Variants in TRDMT1 observed in about 807,000 individuals in gnomAD.
The protein encoded by TRDMT1 is tRNA (cytosine(38)-C(5))-methyltransferase.
Under a neutral mutation model 51.2 loss-of-function variants are expected in TRDMT1, and 49 were observed. That is an observed-to-expected ratio of 0.96 (90% CI 0.76 to 1.21). The LOEUF (loss-of-function observed/expected upper bound fraction) is 1.21. Among genes scored for constraint, TRDMT1 ranks in the 50% most tolerant of loss-of-function variants. TRDMT1 has a pLI of 0.00. For missense variants in TRDMT1, 534 were observed against 462.3 expected, an observed-to-expected ratio of 1.16 and a Z score of -1.42; for synonymous variants, 187 against 164.6, an observed-to-expected ratio of 1.14 and a Z score of -1.04.
intron 2 of TRDMT1, among the ~76,000 whole-genome samples, chr10:17,173,418 C>T (rs1842272759): frequency 6.6e-6 from 1 of 152,098 alleles, no homozygotes; most frequent in East Asian, 1.9e-4. Flanking sequence ...ACCATCAACA[C>T]TAAACAAAAG....
chr10:17,195,661 C>CATT (rs1160282262), intron 1 of TRDMT1, among the ~76,000 whole-genome samples: 2 of 151,912 alleles, frequency 1.3e-5, no homozygotes. Context: ...AGTAAGCACA[C>CATT]ATTATTCCTC....
intron 10 of TRDMT1, among the ~76,000 whole-genome samples, chr10:17,152,482 T>C (rs1169700954): frequency 1.3e-5 from 2 of 152,252 alleles, no homozygotes; most frequent in East Asian, 3.8e-4. Context: ...ATTTGAGGGA[T>C]AGTGCCATAT....
intron 1 of TRDMT1, among the ~76,000 whole-genome samples, chr10:17,182,867 T>C (rs1473439256): frequency 6.6e-6 from 1 of 152,192 alleles, no homozygotes; most frequent in Non-Finnish European, 1.5e-5. Context: ...AAATGATCGA[T>C]AAACATATAA....
At chr10:17,155,468 A>C (rs1839377569) in intron 8 of TRDMT1, among the ~76,000 whole-genome samples, 1 of 152,060 alleles carries the variant, frequency 6.6e-6, no homozygotes, top group Admixed American at 6.6e-5. Context: ...CTGAACCATC[A>C]TTTCCTCTCA....
At chr10:17,162,326 C>A in intron 3 of TRDMT1, 89 bp from the exon 4 acceptor site, 6 of 1,238,142 alleles carry the variant, frequency 4.8e-6, no homozygotes, top group Middle Eastern at 2.0e-4. Flanking sequence ...CTTTTTAAGT[C>A]AAAAGGAGAA....
rs1842207809 is a variant in TRDMT1 at position 17,172,930 on chromosome 10, A to G, written c.174+1621T>C. On this transcript the variant is annotated intron_variant, in intron 2 of 10. Transcript: ENST00000377799. ...ATTTGAAGGCGGGCTTCCACAAGTA[A>G]AAGATGCATCTTGTAAACCCTAGAG... 3.9e-5 allele frequency among the ~76,000 whole-genome samples: 6 copies of G among 152,166 alleles called. 1 individual carries two copies. The highest frequency in any genetic ancestry group is 3.9e-4 in the Admixed American group (6 of 15,272).
intron 1 of TRDMT1, among the ~76,000 whole-genome samples, chr10:17,188,833 C>T (rs921766039): frequency 2.6e-5 from 4 of 152,078 alleles, no homozygotes; most frequent in East Asian, 1.9e-4. Flanking sequence ...TTGTGATTTC[C>T]GCGAAGTAAT....
intron 10 of TRDMT1, 162 bp downstream of exon 10, chr10:17,153,345 A>G (rs1839031009): frequency 1.3e-6 from 1 of 768,560 alleles, no homozygotes; most frequent in Non-Finnish European, 2.0e-6. Flanking sequence ...TGAGGCAGTT[A>G]TGAGGGGAAA....
intron 5 of TRDMT1, among the ~76,000 whole-genome samples, chr10:17,161,217 CTG>C (rs1840307665): frequency 6.6e-6 from 1 of 152,158 alleles, no homozygotes; most frequent in Non-Finnish European, 1.5e-5. Flanking sequence ...ATGACTAAAA[CTG>C]AGAAATGCCA....
chr10:17,189,126 A>C (rs1844339681), intron 1 of TRDMT1, among the ~76,000 whole-genome samples: 1 of 152,192 alleles, frequency 6.6e-6, no homozygotes, highest in Admixed American at 6.5e-5. Context: ...CAGAAGACTA[A>C]ATTATAAGGC....
At chr10:17,191,369 C>T (rs1340986506) in intron 1 of TRDMT1, among the ~76,000 whole-genome samples, 3 of 152,178 alleles carry the variant, frequency 2.0e-5, no homozygotes, top group Non-Finnish European at 4.4e-5. Context: ...GAAGCAAGAT[C>T]AGTAAAGAGG....
chr10:17,143,085 C>G lies in TRDMT1; in HGVS notation c.*5955G>C, dbSNP rs1401282604. The G allele has an allele frequency of 1.8e-5, 18 of 985,286 alleles. No homozygotes were observed. Among genetic ancestry groups the G allele is most frequent in the Non-Finnish European group, 2.0e-5 (17 of 829,928 alleles). The allele number at this position is 985,286 out of a possible 1,614,324, so 61.0% of individuals were successfully genotyped here. On this transcript the variant is annotated 3_prime_UTR_variant, in exon 11 of 11. Transcript: ENST00000377799. ...GTGTTCCAGACTTGAGTAACTTTGG[C>G]TGTTCCTCTGGGCATGGAAGAAGTG...
rs1237266571 is a variant in TRDMT1, at chr10:17,145,448, T to G, written c.*3592A>C. On this transcript the variant is annotated 3_prime_UTR_variant, in exon 11 of 11. Transcript: ENST00000377799. ...CTAGTAGACAGAGGTCCAAAGGCCATGTCTTTAAAAATTATATAATCTCAA... is the reference window on the plus strand; with the variant it reads ...CTAGTAGACAGAGGTCCAAAGGCCAGGTCTTTAAAAATTATATAATCTCAA... The G allele has an allele frequency of 9.1e-6, 9 of 985,284 alleles. No homozygotes were observed. Among genetic ancestry groups the G allele is most frequent in the Non-Finnish European group, 1.1e-5 (9 of 829,950 alleles). 61.0% of individuals were successfully genotyped at this position (985,284 alleles called of 1,614,324 possible).
chr10:17,178,719 T>C (rs1470348961), intron 1 of TRDMT1, among the ~76,000 whole-genome samples: 2 of 151,462 alleles, frequency 1.3e-5, no homozygotes, highest in African/African-American at 2.4e-5. Flanking sequence ...TAAAAATTGC[T>C]GATAAATTAT....
Position 17,159,230 on chromosome 10 carries a change from C to A in TRDMT1, c.460-1G>T, listed in dbSNP as rs754780154. 1.3e-6 allele frequency: 2 copies of A among 1,597,580 alleles called. No individual in the cohort carries two copies. The highest frequency in any genetic ancestry group is 1.7e-6 in the Non-Finnish European group (2 of 1,171,874). On this transcript the variant is annotated splice_acceptor_variant, in intron 6 of 10. Coordinates refer to ENST00000377799, the MANE Select transcript of TRDMT1 (RefSeq NM_004412.7). LOFTEE classifies it high-confidence loss of function. ...GTAGCCTTGAATTTGGAATGCCAAG[C>A]TGTAAGCAAAGCAAAGCAGTTAGTT...
chr10:17,148,015 T>C lies in TRDMT1; in HGVS notation c.*1025A>G, dbSNP rs1292440476. ...TTTGAATTAAAATCTTGTAATATGATTTCTGGACTTGTTTCTTTTCATCTC... is the reference window on the plus strand; with the variant it reads ...TTTGAATTAAAATCTTGTAATATGACTTCTGGACTTGTTTCTTTTCATCTC... On this transcript the variant is annotated 3_prime_UTR_variant, in exon 11 of 11. Transcript: ENST00000377799. 1 of 985,006 alleles carries C rather than the reference T, an allele frequency of 1.0e-6. No individual in the cohort carries two copies. The highest frequency in any genetic ancestry group is 1.2e-6 in the Non-Finnish European group (1 of 829,624). 61.0% of individuals were successfully genotyped at this position (985,006 alleles called of 1,614,324 possible).
intron 1 of TRDMT1, among the ~76,000 whole-genome samples, chr10:17,194,882 A>C (rs1845173296): frequency 6.7e-6 from 1 of 149,856 alleles, no homozygotes; most frequent in South Asian, 2.2e-4. Context: ...GCAGTGAGCC[A>C]AGATTGCACC....
At chr10:17,166,805 C>G (rs994943196) in intron 3 of TRDMT1, among the ~76,000 whole-genome samples, 2 of 152,166 alleles carry the variant, frequency 1.3e-5, no homozygotes, top group African/African-American at 4.8e-5. Flanking sequence ...CTACGGGGCC[C>G]TCTGCAGTAT....
In TRDMT1 at chr10:17,140,446, T is replaced by C. The variant is rs1305661219; in HGVS notation, c.*8594A>G. On this transcript the variant is annotated 3_prime_UTR_variant, in exon 11 of 11. Transcript: ENST00000377799. ...TATTACCATACTCAGCATACTCATA[T>C]CTAAGTCAGTTAATTGGACAATTAT... Among the ~76,000 whole-genome samples, 1 of 152,148 alleles carries C rather than the reference T, an allele frequency of 6.6e-6. No homozygotes were observed. Among genetic ancestry groups the C allele is most frequent in the Non-Finnish European group, 1.5e-5 (1 of 68,036 alleles).
Sources: allele counts gnomAD v4.1 joint callset (sites outside exome capture counted in the v4.1 genomes callset), GRCh38; gene constraint gnomAD v4.1.1; transcripts MANE v1.5; gene names NCBI Gene and HGNC (gene_info 2026-07-23, HGNC 2026-07-21).